CAMTA1: variants seen among roughly 807,000 people sequenced by gnomAD.
The protein encoded by CAMTA1 is calmodulin-binding transcription activator 1.
Under a neutral mutation model 170.9 loss-of-function variants are expected in CAMTA1, and 27 were observed. That is an observed-to-expected ratio of 0.16 (90% confidence interval 0.12 to 0.22). The LOEUF is 0.22. Among genes scored for constraint, CAMTA1 ranks in the 10% least tolerant of loss-of-function variants. The pLI is 1.00. For missense variants in CAMTA1, 1,619 were observed against 2,217.2 expected (o/e 0.73, Z 5.42); for synonymous variants, 833 against 891.5 (o/e 0.93, Z 1.17).
chr1:7,600,175 C>G (rs2095429265), intron 6 of CAMTA1, among the ~76,000 whole-genome samples: 1 of 152,138 alleles, frequency 6.6e-6, no homozygotes, highest in African/African-American at 2.4e-5. Flanking sequence ...TGTCAAAGGC[C>G]TTTTCTGCAT....
chr1:7,710,494 G>C (rs933939055), intron 11 of CAMTA1, among the ~76,000 whole-genome samples: 5 of 151,536 alleles, frequency 3.3e-5, no homozygotes, highest in African/African-American at 1.2e-4. Flanking sequence ...CAGCTACTCA[G>C]GAGGCTGAAG....
chr1:7,027,112 C>A (rs943588929), intron 3 of CAMTA1, among the ~76,000 whole-genome samples: 3 of 152,098 alleles, frequency 2.0e-5, no homozygotes, highest in Admixed American at 6.5e-5. Flanking sequence ...GCTCCTCCAT[C>A]CTTCTTAGAT....
intron 5 of CAMTA1, among the ~76,000 whole-genome samples, chr1:7,372,527 C>G (rs1309378098): frequency 1.3e-5 from 2 of 152,230 alleles, no homozygotes; most frequent in Non-Finnish European, 2.9e-5. Flanking sequence ...CAGCTGCGGA[C>G]GTAGTGGGCC....
intron 3 of CAMTA1, among the ~76,000 whole-genome samples, chr1:6,951,834 C>T (rs977847955): frequency 2.0e-5 from 3 of 152,152 alleles, no homozygotes; most frequent in South Asian, 2.1e-4. Flanking sequence ...TGTCATCCTG[C>T]GGGGTTCCAG....
chr1:7,093,350 C>T lies in CAMTA1; in HGVS notation c.302+1979C>T, dbSNP rs1641704417. On this transcript the variant is annotated intron_variant, in intron 4 of 22. Coordinates refer to ENST00000303635, the MANE Select transcript of CAMTA1 (RefSeq NM_015215.4). This position sits in a 1 kb window ranked among gnomAD's most constrained non-coding sequence, Gnocchi z 4.6. ...CCTAGTTTTCTGGGGGAGAAGGAGGCTTATCTGATTTCTGCCTCTGGACCA... is the reference window on the plus strand; with the variant it reads ...CCTAGTTTTCTGGGGGAGAAGGAGGTTTATCTGATTTCTGCCTCTGGACCA... Among the ~76,000 whole-genome samples the T allele has an allele frequency of 6.6e-6, 1 of 152,146 alleles. No homozygotes were observed. The highest frequency in any genetic ancestry group is 2.4e-5 in the African/African-American group (1 of 41,424).
At chr1:7,326,678 C>T (rs900679365) in intron 5 of CAMTA1, among the ~76,000 whole-genome samples, 3 of 152,220 alleles carry the variant, frequency 2.0e-5, no homozygotes, top group African/African-American at 7.2e-5. Context: ...AAGATTCTCC[C>T]TCACAGCCTT....
chr1:7,314,799 G>A (rs755667654), intron 5 of CAMTA1, among the ~76,000 whole-genome samples: 1 of 152,160 alleles, frequency 6.6e-6, no homozygotes, highest in South Asian at 2.1e-4. Context: ...ATTCATGGAG[G>A]TCAGCTTCAG....
At chr1:7,490,494 A>C (rs140552865) in intron 6 of CAMTA1, among the ~76,000 whole-genome samples, 7,499 of 152,242 alleles carry the variant, frequency 0.049, 281 homozygotes, top group East Asian at 0.19. Context: ...TCTACTAAAA[A>C]TACAAAAATT....
intron 4 of CAMTA1, among the ~76,000 whole-genome samples, chr1:7,138,776 T>C (rs987057424): frequency 1.3e-5 from 2 of 151,992 alleles, no homozygotes; most frequent in African/African-American, 4.8e-5. Flanking sequence ...AGGCGGATCA[T>C]TTGATGTCAG....
rs529473365 is a variant in CAMTA1, at chr1:7,586,115, C to T, written c.511-54285C>T. On this transcript the variant is annotated intron_variant, in intron 6 of 22. Coordinates refer to ENST00000303635, the MANE Select transcript of CAMTA1 (RefSeq NM_015215.4). ...GAGCCTGGAGGAGGAGGAAGGCGCC[C>T]ACTCCCAGCCAGGCTCCACTCCCAG... 1.0e-3 allele frequency among the ~76,000 whole-genome samples: 152 copies of T among 152,090 alleles called. 2 individuals are homozygous for T. Among genetic ancestry groups the T allele is most frequent in the African/African-American group, 3.5e-3 (145 of 41,418 alleles).
At chr1:7,442,892 T>C (rs987058537) in intron 5 of CAMTA1, among the ~76,000 whole-genome samples, 1 of 152,166 alleles carries the variant, frequency 6.6e-6, no homozygotes, top group Non-Finnish European at 1.5e-5. Flanking sequence ...GGTGTTCTTA[T>C]GGAGAAGGCA....
chr1:6,946,153 C>A (rs1687536052), intron 3 of CAMTA1, among the ~76,000 whole-genome samples: 1 of 151,938 alleles, frequency 6.6e-6, no homozygotes, highest in Admixed American at 6.6e-5. Context: ...AGTTTCTCCA[C>A]ATCCTCAGGT....
intron 11 of CAMTA1, among the ~76,000 whole-genome samples, chr1:7,683,169 G>C (rs1439472608): frequency 7.2e-6 from 1 of 139,110 alleles, no homozygotes; most frequent in African/African-American, 2.7e-5. Flanking sequence ...GTGACAGAGC[G>C]AGACTCTGTC....
At chr1:7,028,828 T>C (rs1329959172) in intron 3 of CAMTA1, among the ~76,000 whole-genome samples, 1 of 152,220 alleles carries the variant, frequency 6.6e-6, no homozygotes, top group African/African-American at 2.4e-5. Flanking sequence ...GTTTATATTC[T>C]AATGGAGCAG....
intron 5 of CAMTA1, among the ~76,000 whole-genome samples, chr1:7,410,317 T>C (rs1468316006): frequency 1.3e-5 from 2 of 152,324 alleles, no homozygotes; most frequent in Admixed American, 6.5e-5. Flanking sequence ...GCCCAGGGCC[T>C]GCGGCAGAGC....
chr1:7,516,128 C>A (rs1018987478), intron 6 of CAMTA1, among the ~76,000 whole-genome samples: 1 of 152,186 alleles, frequency 6.6e-6, no homozygotes, highest in African/African-American at 2.4e-5. Flanking sequence ...GGGGAACGTG[C>A]GCTGACTTTG....
chr1:6,883,228 A>G (rs548260831), intron 3 of CAMTA1, among the ~76,000 whole-genome samples: 71 of 152,284 alleles, frequency 4.7e-4, no homozygotes, highest in African/African-American at 1.6e-3. Flanking sequence ...AGTGATATCT[A>G]TGTCAGATGC....
In CAMTA1 at chr1:6,797,462, C is replaced by T. The variant is rs781701625; in HGVS notation, c.45+11887C>T. Among the ~76,000 whole-genome samples, 5 of 151,642 alleles carry T rather than the reference C, an allele frequency of 3.3e-5. 1 individual carries two copies. The highest frequency in any genetic ancestry group is 4.4e-5 in the Non-Finnish European group (3 of 67,898). On this transcript the variant is annotated intron_variant, in intron 1 of 22. Transcript: ENST00000303635. ...GTGCAGTGGCATGATCTTGGCTCAC[C>T]GCAACCTCTGCCTCCTGTGTTCAAG...
intron 5 of CAMTA1, among the ~76,000 whole-genome samples, chr1:7,403,218 A>G (rs1017955437): frequency 2.0e-5 from 3 of 152,072 alleles, no homozygotes; most frequent in Admixed American, 6.5e-5. Flanking sequence ...GCCAGGCGTG[A>G]TGACGGGTGC....
Sources: allele counts gnomAD v4.1 joint callset (sites outside exome capture counted in the v4.1 genomes callset), GRCh38; gene constraint gnomAD v4.1.1; non-coding constraint Gnocchi (gnomAD v3.1); transcripts MANE v1.5; gene names NCBI Gene and HGNC (gene_info 2026-07-23, HGNC 2026-07-21).